HVCN1: variants seen among roughly 807,000 people sequenced by gnomAD.
The protein encoded by HVCN1 is voltage-gated hydrogen channel 1.
HVCN1 carries 14 observed loss-of-function variants against 29.2 expected under a neutral mutation model. The ratio of observed to expected loss-of-function variants is 0.48; its 90% CI spans 0.32 to 0.75. The LOEUF is 0.75. Ranked by LOEUF, HVCN1 falls within the 30% of genes least tolerant of loss-of-function variation. The probability of loss-of-function intolerance (pLI) is 0.04; values close to 1 mark genes in which losing one functional copy is unlikely to be tolerated. For missense variants in HVCN1, 263 were observed against 341.8 expected (o/e 0.77, Z 1.82); for synonymous variants, 131 against 133.2 (o/e 0.98, Z 0.11).
chr12:110,676,564 A>G lies in HVCN1; in HGVS notation c.21+6661T>C, dbSNP rs2068757310. Among the ~76,000 whole-genome samples the G allele has an allele frequency of 1.3e-5, 2 of 152,180 alleles. No homozygotes were observed. Among genetic ancestry groups the G allele is most frequent in the South Asian group, 2.1e-4 (1 of 4,830 alleles). ...AGAGTATGGAATTTTTCTAAGTGCC[A>G]GGCAGAGGGTACCTCTGTGCCCAGC... is the stretch of plus-strand genomic sequence containing the variant. On this transcript the variant is annotated intron_variant, in intron 3 of 7. Coordinates refer to ENST00000242607, the MANE Select transcript of HVCN1 (RefSeq NM_032369.4). The surrounding 1 kb of genome is among the most constrained non-coding windows in gnomAD (Gnocchi z 4.1).
chr12:110,699,723 C>T (rs1458954920), intron 2 of HVCN1, among the ~76,000 whole-genome samples: 10 of 152,098 alleles, frequency 6.6e-5, no homozygotes, highest in Admixed American at 6.6e-4. Context: ...GTGTGCCAGG[C>T]GCTGCGCCGG....
intron 4 of HVCN1, among the ~76,000 whole-genome samples, chr12:110,656,088 C>T (rs549593918): frequency 6.6e-6 from 1 of 152,220 alleles, no homozygotes; most frequent in Non-Finnish European, 1.5e-5. Flanking sequence ...CAACACAGCC[C>T]TGCCTCGGCA....
Position 110,651,247 on chromosome 12 carries a change from G to A in HVCN1, c.613C>T (p.Arg205Trp), listed in dbSNP as rs770439659. 1.2e-6 allele frequency: 2 copies of A among 1,613,886 alleles called. No individual in the cohort carries two copies. Among genetic ancestry groups the A allele is most frequent in the East Asian group, 2.2e-5 (1 of 44,890 alleles). Residue 205 changes from arginine (R) to tryptophan (W), a missense_variant, in exon 6 of 8, where the codon CGG becomes TGG. This residue lies in a region of HVCN1 where 55 missense variants were observed against 109.4 expected (regional missense o/e 0.50). Coordinates refer to ENST00000242607, the MANE Select transcript of HVCN1 (RefSeq NM_032369.4). ...ATGATCCGGGCCACCCGCCACAGCC[G>A]GAGCAGAATCAGCAGGCCCAGAGCC... ...FEALGLLILL[R>W]LWRVARIING...
intron 3 of HVCN1, among the ~76,000 whole-genome samples, chr12:110,666,224 C>T (rs990659610): frequency 2.0e-5 from 3 of 151,872 alleles, no homozygotes; most frequent in African/African-American, 7.3e-5. Flanking sequence ...TGAGACCATC[C>T]TGGCTAACAT....
At chr12:110,655,829 C>A (rs1410623371) in intron 4 of HVCN1, among the ~76,000 whole-genome samples, 1 of 151,952 alleles carries the variant, frequency 6.6e-6, no homozygotes, top group African/African-American at 2.4e-5. Context: ...TTCAGCCTCC[C>A]GAGTAGCTGG....
chr12:110,676,844 G>A lies in HVCN1; in HGVS notation c.21+6381C>T, dbSNP rs1024632257. On this transcript the variant is annotated intron_variant, in intron 3 of 7. Transcript: ENST00000242607. The surrounding 1 kb of genome is among the most constrained non-coding windows in gnomAD (Gnocchi z 4.1). Reference sequence around the variant, plus strand: ...GAGCCAGGAGCACATCTGCATGCGAGTCCCACAGGTCCTCCTAGTGAGTCA... The same window carrying A: ...GAGCCAGGAGCACATCTGCATGCGAATCCCACAGGTCCTCCTAGTGAGTCA... 2.6e-5 allele frequency among the ~76,000 whole-genome samples: 4 copies of A among 152,096 alleles called. No individual in the cohort carries two copies. The highest frequency in any genetic ancestry group is 9.7e-5 in the African/African-American group (4 of 41,408).
At chr12:110,666,200 C>G (rs2068344626) in intron 3 of HVCN1, among the ~76,000 whole-genome samples, 1 of 151,940 alleles carries the variant, frequency 6.6e-6, no homozygotes, top group Non-Finnish European at 1.5e-5. Flanking sequence ...GGGCGGATCA[C>G]AAGGTCAGGA....
chr12:110,661,545 C>T lies in HVCN1; in HGVS notation c.22-97G>A. 2 of 1,194,496 alleles carry T rather than the reference C, an allele frequency of 1.7e-6. No individual in the cohort carries two copies. The highest frequency in any genetic ancestry group is 2.4e-6 in the Non-Finnish European group (2 of 846,748). The allele number at this position is 1,194,496 out of a possible 1,614,324, so 74.0% of individuals were successfully genotyped here. A position where few individuals can be genotyped will look rare whatever the true frequency, so the allele number is the denominator to read the frequency against. ...CCAGGCCACTGCAGGTGAAGATGGT[C>T]CCGGGTGCGTAGAACCCCCTGCAAG... is the stretch of plus-strand genomic sequence containing the variant. On this transcript the variant is annotated intron_variant, in intron 3 of 7. Coordinates refer to ENST00000242607, the MANE Select transcript of HVCN1 (RefSeq NM_032369.4). The surrounding 1 kb of genome is among the most constrained non-coding windows in gnomAD (Gnocchi z 6.2).
rs55989635 is a variant in HVCN1 at position 110,672,433 on chromosome 12, G to A, written c.21+10792C>T. 6.9e-3 allele frequency among the ~76,000 whole-genome samples: 1,050 copies of A among 152,276 alleles called. 14 individuals carry two copies. The highest frequency in any genetic ancestry group is 0.024 in the African/African-American group (994 of 41,552). ...CACCATGGAAGACCCACACCACAGAGCACCACACCACTGTGTGGCAGGCCT... is the reference window on the plus strand; with the variant it reads ...CACCATGGAAGACCCACACCACAGAACACCACACCACTGTGTGGCAGGCCT... On this transcript the variant is annotated intron_variant, in intron 3 of 7. Transcript: ENST00000242607.
At chr12:110,694,603 C>A (rs2069461643), upstream of HVCN1, among the ~76,000 whole-genome samples, 1 of 152,218 alleles carries the variant, frequency 6.6e-6, no homozygotes, top group Non-Finnish European at 1.5e-5. The surrounding 1 kb of genome is among the most constrained non-coding windows in gnomAD (Gnocchi z 4.6). Flanking sequence ...AGAAAATGGA[C>A]AGAGGGAGAG....
At chr12:110,669,131 T>TA (rs1178643372) in intron 3 of HVCN1, among the ~76,000 whole-genome samples, 1 of 151,714 alleles carries the variant, frequency 6.6e-6, no homozygotes, top group East Asian at 1.9e-4. Context: ...TTCTTACCTT[T>TA]CTCTCCCAGT....
intron 3 of HVCN1, among the ~76,000 whole-genome samples, chr12:110,682,083 G>A (rs1450883278): frequency 6.6e-6 from 1 of 152,122 alleles, no homozygotes; most frequent in African/African-American, 2.4e-5. Context: ...TGCCTCCCAA[G>A]TTCAAGCGAT....
chr12:110,675,793 C>A (rs1469200690), intron 3 of HVCN1, among the ~76,000 whole-genome samples: 1 of 152,004 alleles, frequency 6.6e-6, no homozygotes, highest in Non-Finnish European at 1.5e-5. Flanking sequence ...CCTATAATCC[C>A]AGCTACTTGG....
chr12:110,678,209 C>T (rs888328081), intron 3 of HVCN1, among the ~76,000 whole-genome samples: 9 of 152,184 alleles, frequency 5.9e-5, no homozygotes, highest in Admixed American at 5.2e-4. Context: ...GGCTGCCAAG[C>T]CCAGCTCCCC....
chr12:110,696,016 G>A (rs1168558926), intron 2 of HVCN1, among the ~76,000 whole-genome samples: 2 of 150,736 alleles, frequency 1.3e-5, no homozygotes, highest in Non-Finnish European at 3.0e-5. Flanking sequence ...GCAATGGCGC[G>A]ATCTCAGCTC....
intron 5 of HVCN1, among the ~76,000 whole-genome samples, chr12:110,654,849 T>C (rs2067935677): frequency 6.6e-6 from 1 of 152,118 alleles, no homozygotes; most frequent in Non-Finnish European, 1.5e-5. Context: ...ACCCTTTGGG[T>C]GAACATCTGG....
At chr12:110,699,823 A>G (rs73194022) in intron 2 of HVCN1, among the ~76,000 whole-genome samples, 6,644 of 152,266 alleles carry the variant, frequency 0.044, 202 homozygotes, top group Non-Finnish European at 0.065. Context: ...CGCAGTAGAA[A>G]GTCCTAAATA....
At chr12:110,657,024 G>T (rs542606010) in intron 4 of HVCN1, among the ~76,000 whole-genome samples, 22 of 152,298 alleles carry the variant, frequency 1.4e-4, no homozygotes, top group South Asian at 4.1e-4. Flanking sequence ...CCGCTCCTAT[G>T]AAATCGTCAT....
At chr12:110,654,493 CT>C (rs2067922434) in intron 5 of HVCN1, among the ~76,000 whole-genome samples, 1 of 119,250 alleles carries the variant, frequency 8.4e-6, no homozygotes, top group African/African-American at 3.1e-5. Context: ...TTTTTTTTTC[CT>C]GGAGACGGAG....
Sources: gnomAD v4.1 joint callset for allele counts (sites outside exome capture counted in the v4.1 genomes callset) on GRCh38, gnomAD v4.1.1 for gene constraint, gnomAD v4.1.1 regional missense constraint, Gnocchi (gnomAD v3.1) non-coding constraint, MANE v1.5 for transcripts, NCBI Gene and HGNC (gene_info 2026-07-23, HGNC 2026-07-21) for gene names.